Variants in MTHFD1L observed in about 807,000 individuals in gnomAD.
MTHFD1L encodes the protein monofunctional C1-tetrahydrofolate synthase, mitochondrial.
A neutral mutation model predicts 119.5 loss-of-function variants in MTHFD1L; 81 were observed. The observed-to-expected ratio is 0.68, with a 90% CI of 0.57 to 0.82. The LOEUF (loss-of-function observed/expected upper bound fraction) is 0.82, where lower values mean the gene tolerates loss of function less well. Among genes scored for constraint, MTHFD1L ranks in the 40% least tolerant of loss-of-function variants. The pLI, the probability that MTHFD1L is intolerant of heterozygous loss-of-function variation, is 0.00. For missense variants in MTHFD1L, 1,125 were observed against 1,253.4 expected (o/e 0.90, Z 1.55); for synonymous variants, 430 against 475.2 (o/e 0.90, Z 1.24).
chr6:151,059,988 G>A (rs1790436796), intron 26 of MTHFD1L, among the ~76,000 whole-genome samples: 2 of 152,224 alleles, frequency 1.3e-5, no homozygotes, highest in Non-Finnish European at 2.9e-5. Context: ...GGGAAGGGCA[G>A]TGCAGGCCAA....
intron 24 of MTHFD1L, among the ~76,000 whole-genome samples, chr6:151,025,339 T>A (rs969080708): frequency 1.3e-5 from 2 of 152,342 alleles, no homozygotes; most frequent in South Asian, 4.1e-4. Flanking sequence ...GGGCCTGTTG[T>A]TCTCAGTAAC....
intron 20 of MTHFD1L, among the ~76,000 whole-genome samples, chr6:150,973,956 C>A (rs991372219): frequency 1.3e-5 from 2 of 152,198 alleles, no homozygotes; most frequent in African/African-American, 4.8e-5. Flanking sequence ...AAGTGAGAAA[C>A]TGCTTTGTAA....
At chr6:151,037,929 A>G (rs1486634571) in intron 26 of MTHFD1L, among the ~76,000 whole-genome samples, 5 of 152,218 alleles carry the variant, frequency 3.3e-5, no homozygotes, top group African/African-American at 9.7e-5. Context: ...CATTATCGTC[A>G]TCATTAGTGC....
At chr6:150,959,946 A>T (rs1332140518) in intron 17 of MTHFD1L, among the ~76,000 whole-genome samples, 1 of 152,214 alleles carries the variant, frequency 6.6e-6, no homozygotes, top group Non-Finnish European at 1.5e-5. Context: ...TAATGACATT[A>T]GTAATCAATT....
At chr6:150,888,010 T>G in intron 7 of MTHFD1L, 29 bp downstream of exon 7, 2 of 1,577,612 alleles carry the variant, frequency 1.3e-6, no homozygotes, top group South Asian at 2.4e-5. Context: ...ACATACATCT[T>G]GAAGGCTTCT....
At chr6:151,069,251 T>TTTTCTCTC (rs1554297594) in intron 26 of MTHFD1L, among the ~76,000 whole-genome samples, 1 of 136,592 alleles carries the variant, frequency 7.3e-6, no homozygotes, top group Non-Finnish European at 1.6e-5. Context: ...TTCTCTCTCT[T>TTTTCTCTC]TCTCTCTCTC....
chr6:150,918,240 A>G (rs1040916911), intron 8 of MTHFD1L, among the ~76,000 whole-genome samples: 10 of 152,012 alleles, frequency 6.6e-5, no homozygotes, highest in African/African-American at 2.4e-4. Context: ...TGATTTTTAT[A>G]TTTTTAGTAG....
At chr6:151,083,089 C>A (rs573544182) in intron 26 of MTHFD1L, among the ~76,000 whole-genome samples, 1 of 152,310 alleles carries the variant, frequency 6.6e-6, no homozygotes, top group South Asian at 2.1e-4. Flanking sequence ...TCCCGACTCA[C>A]TTGTCTCATA....
chr6:151,054,128 G>A (rs1331992849), intron 26 of MTHFD1L, among the ~76,000 whole-genome samples: 2 of 152,172 alleles, frequency 1.3e-5, no homozygotes, highest in Non-Finnish European at 2.9e-5. Context: ...TCCAAGGGGA[G>A]ATTCATTCAG....
intron 21 of MTHFD1L, among the ~76,000 whole-genome samples, chr6:151,012,417 C>T (rs185793405): frequency 5.3e-4 from 80 of 151,922 alleles, no homozygotes; most frequent in Non-Finnish European, 9.9e-4. Flanking sequence ...GCGCTGGGAT[C>T]GACTTCCTTT....
intron 27 of MTHFD1L, chr6:151,099,678 C>A: frequency 6.2e-7 from 1 of 1,606,616 alleles, no homozygotes. Flanking sequence ...GATTCAGGGT[C>A]CAGATCTTGA....
At chr6:151,065,377 CT>C (rs757853325) in intron 26 of MTHFD1L, among the ~76,000 whole-genome samples, 7 of 152,194 alleles carry the variant, frequency 4.6e-5, no homozygotes, top group Non-Finnish European at 7.3e-5. Flanking sequence ...ACAATGGGGC[CT>C]TATGCTCGCT....
At chr6:150,899,617 A>G (rs12662974) in intron 7 of MTHFD1L, among the ~76,000 whole-genome samples, 8,128 of 152,302 alleles carry the variant, frequency 0.053, 251 homozygotes, top group Middle Eastern at 0.095. Context: ...CTACAAAGCA[A>G]TACTCTTATG....
At chr6:150,871,552 A>G (rs1583292448) in intron 1 of MTHFD1L, among the ~76,000 whole-genome samples, 1 of 124,542 alleles carries the variant, frequency 8.0e-6, no homozygotes, top group Admixed American at 1.1e-4. Context: ...CCCAGGCTGG[A>G]CTGCAGTGCT....
At chr6:151,016,689 T>G (rs1783112851) in intron 24 of MTHFD1L, 1 of 229,644 alleles carries the variant, frequency 4.4e-6, no homozygotes, top group African/African-American at 2.4e-5. Context: ...AGTGTATGTG[T>G]GTGTATATAT....
chr6:151,004,932 A>C (rs1440847123), intron 20 of MTHFD1L, among the ~76,000 whole-genome samples: 1 of 152,224 alleles, frequency 6.6e-6, no homozygotes, highest in Non-Finnish European at 1.5e-5. Context: ...TCAGAAGTCT[A>C]CGTGATATGC....
chr6:150,936,239 A>AC (rs1422542982), intron 11 of MTHFD1L, among the ~76,000 whole-genome samples: 1 of 152,174 alleles, frequency 6.6e-6, no homozygotes, highest in Admixed American at 6.5e-5. Flanking sequence ...TGAGTGGGCC[A>AC]CCCCAGAGGT....
At position 151,015,526 on chromosome 6, in the gene MTHFD1L, C is replaced by G; in HGVS notation, c.2419C>G (p.Arg807Gly). The G allele has an allele frequency of 1.2e-6, 2 of 1,611,586 alleles. No homozygotes were observed. The highest frequency in any genetic ancestry group is 1.1e-5 in the South Asian group (1 of 90,612). ...CATTTTCTTCACTAGGACCGACACCCGCGCTGAGATTGACTTGGTGTGTGA... is the reference window on the plus strand; with the variant it reads ...CATTTTCTTCACTAGGACCGACACCGGCGCTGAGATTGACTTGGTGTGTGA... ...VALNVFKTDT[R>G]AEIDLVCELA... is the part of the protein sequence containing the mutation. Residue 807 changes from arginine to glycine, a missense_variant, in exon 24 of 28, where the codon CGC becomes GGC. This residue lies in a region of MTHFD1L where 1,058 missense variants were observed against 1,151.2 expected (regional missense o/e 0.92). Coordinates refer to ENST00000367321, the MANE Select transcript of MTHFD1L (RefSeq NM_015440.5).
rs1235808341 is a variant in MTHFD1L at position 150,988,466 on chromosome 6, AAACAT to A, written c.2125+16413_2125+16417del. ...ATATTGTGCTGTTCTTACACAAAGA[AAACAT>A]AACAGAATTTTGAGCTAGGAATATT... On this transcript the variant is annotated intron_variant, in intron 20 of 27. Coordinates refer to ENST00000367321, the MANE Select transcript of MTHFD1L (RefSeq NM_015440.5). Among the ~76,000 whole-genome samples, 3 of 152,256 alleles carry A rather than the reference AAACAT, an allele frequency of 2.0e-5. No individual in the cohort carries two copies. In the East Asian group the frequency reaches 5.8e-4, roughly 29 times the overall value.
Sources: allele counts gnomAD v4.1 joint callset (sites outside exome capture counted in the v4.1 genomes callset), GRCh38; gene constraint gnomAD v4.1.1; regional missense constraint gnomAD v4.1.1; transcripts MANE v1.5; gene names NCBI Gene and HGNC (gene_info 2026-07-23, HGNC 2026-07-21).